Variants in C2orf49 observed in about 807,000 individuals in gnomAD.
The protein encoded by C2orf49 is tRNA splicing ligase complex subunit 2, also known as tRNA-splicing ligase complex subunit ASW.
In C2orf49, 11 loss-of-function variants were observed where a neutral mutation model predicts 20.6. That is an observed-to-expected ratio of 0.53 (90% CI 0.34 to 0.88). The LOEUF is 0.88. C2orf49 is among the 40% of genes least tolerant of loss of function. C2orf49 has a pLI of 0.02. For synonymous variants in C2orf49, 134 were observed against 108.5 expected (o/e 1.24, Z -1.46); for missense variants, 289 against 274.2 (o/e 1.05, Z -0.38).
At chr2:105,366,278 A>G in the C2orf49 span, among the ~76,000 whole-genome samples, 1 of 152,174 alleles carries the variant, frequency 6.6e-6, no homozygotes, top group Non-Finnish European at 1.5e-5. Context: ...CTCAGCACTT[A>G]GAAAAGGTGT....
At chr2:105,353,374 G>A (rs374806715), downstream of C2orf49, among the ~76,000 whole-genome samples, 52 of 152,268 alleles carry the variant, frequency 3.4e-4, no homozygotes, top group East Asian at 4.4e-3. Context: ...GATGAAGTCA[G>A]TCTGCTCTTA....
At chr2:105,361,306 G>A in the C2orf49 span, 1 of 1,613,988 alleles carries the variant, frequency 6.2e-7, no homozygotes, top group East Asian at 2.2e-5. Context: ...CCACAGTCGG[G>A]GCACAGGATG....
chr2:105,376,866 C>T, the C2orf49 span: 2 of 152,212 alleles, frequency 1.3e-5, no homozygotes, highest in Non-Finnish European at 2.9e-5. Flanking sequence ...CATGCTACAG[C>T]ATGGATGAAT....
chr2:105,359,722 T>G, the C2orf49 span: 3 of 152,226 alleles, frequency 2.0e-5, no homozygotes, highest in Non-Finnish European at 4.4e-5. Context: ...TGTGTGTCTC[T>G]CCTGCTTTAC....
At chr2:105,343,248 C>A in intron 3 of C2orf49, 25 bp downstream of exon 3, 4 of 1,539,548 alleles carry the variant, frequency 2.6e-6, no homozygotes, top group Admixed American at 2.1e-5. Flanking sequence ...GGTTTCCATG[C>A]TGGTAAGTGG....
the C2orf49 span, among the ~76,000 whole-genome samples, chr2:105,366,642 G>A: frequency 6.6e-6 from 1 of 152,212 alleles, no homozygotes; most frequent in African/African-American, 2.4e-5. Context: ...GGGGCAACTG[G>A]GCAGAGAGAT....
chr2:105,341,908 T>G (rs1016399442), intron 2 of C2orf49, among the ~76,000 whole-genome samples: 4 of 152,234 alleles, frequency 2.6e-5, no homozygotes, highest in Non-Finnish European at 5.9e-5. Context: ...CCAAGAGCAG[T>G]GGCTCACGCC....
At chr2:105,354,560 G>A in the C2orf49 span, among the ~76,000 whole-genome samples, 1 of 152,052 alleles carries the variant, frequency 6.6e-6, no homozygotes, top group Non-Finnish European at 1.5e-5. Flanking sequence ...CAGCTATTCG[G>A]GAGGCTGAAG....
At chr2:105,352,052 A>G (rs1315988557), downstream of C2orf49, among the ~76,000 whole-genome samples, 3 of 152,140 alleles carry the variant, frequency 2.0e-5, no homozygotes, top group African/African-American at 7.2e-5. Flanking sequence ...CCTACCAACC[A>G]CCGTCCATTT....
At chr2:105,377,711 T>C in the C2orf49 span, 3 of 213,362 alleles carry the variant, frequency 1.4e-5, no homozygotes, top group Non-Finnish European at 2.9e-5. Context: ...TCTGTCCCCC[T>C]GTGCAGGCGA....
chr2:105,372,634 C>G, the C2orf49 span, among the ~76,000 whole-genome samples: 1 of 152,034 alleles, frequency 6.6e-6, no homozygotes, highest in African/African-American at 2.4e-5. Context: ...ACTAAAAATA[C>G]AAAAATTAGC....
the C2orf49 span, chr2:105,360,519 GC>G: frequency 6.6e-6 from 1 of 152,332 alleles, no homozygotes; most frequent in South Asian, 2.1e-4. Context: ...ACCACACCCG[GC>G]TAATTTTTTG....
chr2:105,337,705 G>A lies in C2orf49; in HGVS notation c.99+19G>A, dbSNP rs982295575. 16 of 480,096 alleles carry A rather than the reference G, an allele frequency of 3.3e-5. No homozygotes were observed. The highest frequency in any genetic ancestry group is 5.9e-5 in the Non-Finnish European group (16 of 270,150). The allele number at this position is 480,096 out of a possible 1,614,324, so 29.7% of individuals were successfully genotyped here. A position where few individuals can be genotyped will look rare whatever the true frequency, so the allele number is the denominator to read the frequency against. On this transcript the variant is annotated intron_variant, in intron 1 of 3. Transcript: ENST00000258457. Reference sequence around the variant, plus strand: ...GGAGCAGGTTGGGCGCGCCGGATCGGAGGGTGGGCGGGTGGGCCTTCCCAG... The same window carrying A: ...GGAGCAGGTTGGGCGCGCCGGATCGAAGGGTGGGCGGGTGGGCCTTCCCAG...
chr2:105,354,003 G>A (rs1183110139), downstream of C2orf49, among the ~76,000 whole-genome samples: 1 of 152,172 alleles, frequency 6.6e-6, no homozygotes. Flanking sequence ...CTTACAAATT[G>A]GATAGTGTCT....
chr2:105,339,508 C>A lies in C2orf49; in HGVS notation c.100-75C>A, dbSNP rs529270510. ...TTGTTATTTAAGCAGTAATGTTTTA[C>A]CATGTTAGGTAAGGTGGTTACTTGT... is the stretch of plus-strand genomic sequence containing the variant. On this transcript the variant is annotated intron_variant, in intron 1 of 3. Coordinates refer to ENST00000258457, the MANE Select transcript of C2orf49 (RefSeq NM_024093.3). 56 of 1,367,500 alleles carry A rather than the reference C, an allele frequency of 4.1e-5. No individual in the cohort carries two copies. In the African/African-American group the frequency reaches 6.5e-4, roughly 16 times the overall value. The allele number at this position is 1,367,500 out of a possible 1,614,324, so 84.7% of individuals were successfully genotyped here.
the C2orf49 span, among the ~76,000 whole-genome samples, chr2:105,372,192 G>A: frequency 6.6e-6 from 1 of 151,656 alleles, no homozygotes; most frequent in African/African-American, 2.4e-5. Flanking sequence ...TTACCTCCTT[G>A]CCTTTTTAAA....
chr2:105,381,261 T>C, the C2orf49 span, among the ~76,000 whole-genome samples: 2 of 152,142 alleles, frequency 1.3e-5, no homozygotes, highest in South Asian at 4.1e-4. Context: ...TGTACATTCT[T>C]TCAAATCCTT....
chr2:105,377,966 T>C, the C2orf49 span: 3 of 443,540 alleles, frequency 6.8e-6, no homozygotes, highest in Admixed American at 7.9e-5. Context: ...AGAAATACAA[T>C]TTCTAGAAAA....
At chr2:105,362,273 G>A in the C2orf49 span, among the ~76,000 whole-genome samples, 2 of 152,134 alleles carry the variant, frequency 1.3e-5, no homozygotes, top group African/African-American at 2.4e-5. Context: ...TTTTAACATA[G>A]GTAAAGTGTA....
Sources: allele counts gnomAD v4.1 joint callset (sites outside exome capture counted in the v4.1 genomes callset), GRCh38; gene constraint gnomAD v4.1.1; transcripts MANE v1.5; gene names NCBI Gene and HGNC (gene_info 2026-07-23, HGNC 2026-07-21).